ATP11B: variants seen among roughly 807,000 people sequenced by gnomAD.
ATP11B encodes the protein ATPase phospholipid transporting 11B (putative), also known as phospholipid-transporting ATPase IF.
In ATP11B, 81 loss-of-function variants were observed where a neutral mutation model predicts 157.8. The ratio of observed to expected loss-of-function variants is 0.51; its 90% CI spans 0.43 to 0.62. The LOEUF is 0.62. Among genes scored for constraint, ATP11B ranks in the 20% least tolerant of loss-of-function variants. ATP11B has a pLI of 0.00. For missense variants in ATP11B, 1,165 were observed against 1,402.2 expected (o/e 0.83, Z 2.70); for synonymous variants, 451 against 469.4 (o/e 0.96, Z 0.51).
intron 1 of ATP11B, among the ~76,000 whole-genome samples, chr3:182,813,732 T>A (rs1434669328): frequency 6.6e-6 from 1 of 152,166 alleles, no homozygotes; most frequent in African/African-American, 2.4e-5. Context: ...ATTATTTTTA[T>A]TTTTTATTTT....
At chr3:182,865,905 T>G (rs1265307423) in intron 13 of ATP11B, among the ~76,000 whole-genome samples, 2 of 148,066 alleles carry the variant, frequency 1.4e-5, no homozygotes, top group African/African-American at 2.5e-5. Flanking sequence ...GTGTCTGCCT[T>G]AGCTCTTTGA....
At chr3:182,883,761 C>T (rs1722597683) in intron 21 of ATP11B, among the ~76,000 whole-genome samples, 1 of 150,314 alleles carries the variant, frequency 6.7e-6, no homozygotes, top group South Asian at 2.1e-4. Context: ...CGAGACCATC[C>T]CGGCTAAAAC....
At chr3:182,902,591 A>C in intron 28 of ATP11B, 2 of 1,260,294 alleles carry the variant, frequency 1.6e-6, no homozygotes, top group Non-Finnish European at 2.1e-6. Flanking sequence ...GTAGAGCCTC[A>C]TTAACTCTTC....
At chr3:182,884,626 C>G (rs1722676227) in intron 21 of ATP11B, 127 bp from the exon 22 acceptor site, 1 of 835,260 alleles carries the variant, frequency 1.2e-6, no homozygotes, top group Non-Finnish European at 1.8e-6. Flanking sequence ...CATCTGCTAT[C>G]TGCTGTATAT....
intron 29 of ATP11B, chr3:182,915,741 G>T: frequency 1.0e-6 from 1 of 985,060 alleles, no homozygotes; most frequent in Non-Finnish European, 1.2e-6. Context: ...CCATTTTGAT[G>T]CAGCATTACC....
chr3:182,832,190 G>A (rs1313537117), intron 4 of ATP11B, among the ~76,000 whole-genome samples: 2 of 152,060 alleles, frequency 1.3e-5, no homozygotes, highest in African/African-American at 2.4e-5. Context: ...TCCAAAATTG[G>A]TTTAAGTAAA....
At chr3:182,875,110 A>G (rs1193583315) in intron 19 of ATP11B, among the ~76,000 whole-genome samples, 1 of 152,152 alleles carries the variant, frequency 6.6e-6, no homozygotes, top group Non-Finnish European at 1.5e-5. Context: ...TTTGCCCTGT[A>G]TGGGGGCAAA....
intron 19 of ATP11B, among the ~76,000 whole-genome samples, chr3:182,874,630 TTA>T (rs1721901628): frequency 1.3e-5 from 2 of 152,188 alleles, no homozygotes; most frequent in South Asian, 4.1e-4. Flanking sequence ...CAAAGATGAA[TTA>T]TAAATCTCAT....
In ATP11B at chr3:182,848,541, C is replaced by T. The variant is rs779278774; in HGVS notation, c.835C>T (p.Arg279Ter). 3.2e-6 allele frequency: 5 copies of T among 1,555,710 alleles called. No individual in the cohort carries two copies. The highest frequency in any genetic ancestry group is 1.8e-5 in the Admixed American group (1 of 55,348). The change falls in exon 10 of 30, where the codon CGA becomes TGA. Residue 279 changes from arginine (R) to a stop codon, truncating the protein, a stop_gained. Coordinates refer to ENST00000323116, the MANE Select transcript of ATP11B (RefSeq NM_014616.3). LOFTEE classifies it high-confidence loss of function. ...AAATTACAAGAGCAAATCACAGAAA[C>T]GATCTGCAGTAGAAAAGTAAGAAAA... Reference protein sequence around the residue: ...ALNYKSKSQKRSAVEKSMNTF... With the variant: ...ALNYKSKSQK
chr3:182,905,911 G>A (rs1052974155), intron 28 of ATP11B: 7 of 456,370 alleles, frequency 1.5e-5, no homozygotes, highest in South Asian at 3.1e-5. Flanking sequence ...CAGTTGTTGC[G>A]TGCACTAGGT....
chr3:182,853,488 C>T (rs1235820843), intron 10 of ATP11B, among the ~76,000 whole-genome samples: 1 of 151,840 alleles, frequency 6.6e-6, no homozygotes, highest in East Asian at 1.9e-4. Context: ...CCACTGTGCC[C>T]GGCCAATAAA....
chr3:182,913,380 C>G (rs1342826262), intron 28 of ATP11B, among the ~76,000 whole-genome samples: 2 of 152,152 alleles, frequency 1.3e-5, no homozygotes, highest in Non-Finnish European at 2.9e-5. Flanking sequence ...GGGTGAGGTC[C>G]TGCCTGATTG....
chr3:182,831,488 A>G lies in ATP11B; in HGVS notation c.315+1736A>G, dbSNP rs185227410. Among the ~76,000 whole-genome samples, 33 of 152,086 alleles carry G rather than the reference A, an allele frequency of 2.2e-4. 1 individual carries two copies. The East Asian group carries it at 6.2e-3, about 29-fold the overall frequency. ...TACTGAACAGTAGCTTTGCATCACC[A>G]CTTTGACCAAAACATGTCTTTTCAG... is the stretch of plus-strand genomic sequence containing the variant. On this transcript the variant is annotated intron_variant, in intron 4 of 29. Coordinates refer to ENST00000323116, the MANE Select transcript of ATP11B (RefSeq NM_014616.3).
Position 182,920,758 on chromosome 3 carries a change from A to G in ATP11B, c.*2654A>G, listed in dbSNP as rs1725428106. 6.6e-6 allele frequency: 1 copy of G among 152,254 alleles called. No homozygotes were observed. Among genetic ancestry groups the G allele is most frequent in the South Asian group, 2.1e-4 (1 of 4,834 alleles). 9.4% of individuals were successfully genotyped at this position (152,254 alleles called of 1,614,324 possible). The stretch of plus-strand genomic sequence containing the variant: ...GGCGTAGGCTCACCCTGGGCGGAGC[A>G]AAGTATGGGCCAGGGAGAACTACAG... On this transcript the variant is annotated 3_prime_UTR_variant, in exon 30 of 30. Coordinates refer to ENST00000323116, the MANE Select transcript of ATP11B (RefSeq NM_014616.3).
At chr3:182,832,137 A>T (rs925599458) in intron 4 of ATP11B, among the ~76,000 whole-genome samples, 23 of 152,208 alleles carry the variant, frequency 1.5e-4, no homozygotes, top group African/African-American at 5.1e-4. Context: ...TCTACAAGTA[A>T]GAGTTTAATA....
At chr3:182,850,397 TG>T (rs1330776852) in intron 10 of ATP11B, among the ~76,000 whole-genome samples, 1 of 151,758 alleles carries the variant, frequency 6.6e-6, no homozygotes, top group Non-Finnish European at 1.5e-5. Flanking sequence ...TGTTTGAACC[TG>T]GGAGGCAGAG....
intron 1 of ATP11B, among the ~76,000 whole-genome samples, chr3:182,809,230 T>C (rs1716506341): frequency 6.6e-6 from 1 of 151,830 alleles, no homozygotes; most frequent in African/African-American, 2.4e-5. Context: ...TATTCTATTT[T>C]ATTTCTTTTA....
chr3:182,907,162 C>T (rs6771514), intron 28 of ATP11B, among the ~76,000 whole-genome samples: 43,553 of 151,874 alleles, frequency 0.29, 6,697 homozygotes, highest in East Asian at 0.56. Context: ...AGGAATAACC[C>T]TGACAACCAT....
chr3:182,869,146 C>T lies in ATP11B; in HGVS notation c.1757C>T (p.Pro586Leu). The stretch of plus-strand genomic sequence containing the variant: ...AGAATGAGTGTAATTGTTCAGGCAC[C>T]TTCAGGTAACCAATCTAAACTTTCA... ...RRRMSVIVQAPSGEKLLFAKG... is the reference protein window; with the variant it reads ...RRRMSVIVQALSGEKLLFAKG... Residue 586 changes from proline (P) to leucine (L), a missense_variant, in exon 16 of 30, where the codon CCT becomes CTT. Coordinates refer to ENST00000323116, the MANE Select transcript of ATP11B (RefSeq NM_014616.3). 6.2e-7 allele frequency: 1 copy of T among 1,609,446 alleles called. No individual in the cohort carries two copies. Among genetic ancestry groups the T allele is most frequent in the Non-Finnish European group, 8.5e-7 (1 of 1,177,512 alleles).
Sources: allele counts gnomAD v4.1 joint callset (sites outside exome capture counted in the v4.1 genomes callset), GRCh38; gene constraint gnomAD v4.1.1; transcripts MANE v1.5; gene names NCBI Gene and HGNC (gene_info 2026-07-23, HGNC 2026-07-21).